Variants in GRB14 observed in about 807,000 individuals in gnomAD.
The protein encoded by GRB14 is growth factor receptor bound protein 14.
A neutral mutation model predicts 69.1 loss-of-function variants in GRB14; 38 were observed. The ratio of observed to expected loss-of-function variants is 0.55; its 90% CI spans 0.42 to 0.72. GRB14 has a LOEUF of 0.72. Ranked by LOEUF, GRB14 falls within the 30% of genes least tolerant of loss-of-function variation. The pLI is 0.00. For missense variants in GRB14, 666 were observed against 666.1 expected, an observed-to-expected ratio of 1.00 and a Z score of 0.00; for synonymous variants, 247 against 241.3, an observed-to-expected ratio of 1.02 and a Z score of -0.22.
intron 3 of GRB14, among the ~76,000 whole-genome samples, chr2:164,540,475 G>A (rs1330526480): frequency 6.6e-6 from 1 of 152,134 alleles, no homozygotes; most frequent in Non-Finnish European, 1.5e-5. Context: ...TGGGTGTGGT[G>A]TCAGGCTCCT....
intron 6 of GRB14, among the ~76,000 whole-genome samples, chr2:164,519,524 A>C (rs1042645212): frequency 1.3e-4 from 20 of 152,034 alleles, no homozygotes; most frequent in Non-Finnish European, 2.6e-4. Flanking sequence ...TCAGACAAGA[A>C]AAAGAAATAA....
intron 2 of GRB14, among the ~76,000 whole-genome samples, chr2:164,581,778 T>C (rs555384645): frequency 6.6e-6 from 1 of 152,366 alleles, no homozygotes; most frequent in South Asian, 2.1e-4. Flanking sequence ...TTATGATCTC[T>C]TCTCTTTCCT....
Position 164,621,118 on chromosome 2 carries a change from C to G in GRB14, c.191+1G>C. The G allele has an allele frequency of 8.0e-7, 1 of 1,246,200 alleles. No individual in the cohort carries two copies. Among genetic ancestry groups the G allele is most frequent in the Non-Finnish European group, 1.0e-6 (1 of 988,336 alleles). 77.2% of individuals were successfully genotyped at this position (1,246,200 alleles called of 1,614,324 possible). A position where few individuals can be genotyped will look rare whatever the true frequency, so the allele number is the denominator to read the frequency against. The stretch of plus-strand genomic sequence containing the variant: ...CCCCCGCGCCCTCCAGGGTTGCCTA[C>G]CTGTCTGCAGCACAGCCGCGGGTCC... On this transcript the variant is annotated splice_donor_variant, in intron 1 of 13. Transcript: ENST00000263915. LOFTEE classifies it high-confidence loss of function. The surrounding 1 kb of genome is among the most constrained non-coding windows in gnomAD (Gnocchi z 6.0).
At chr2:164,509,375 A>C (rs1687279476) in intron 6 of GRB14, among the ~76,000 whole-genome samples, 1 of 152,230 alleles carries the variant, frequency 6.6e-6, no homozygotes, top group Non-Finnish European at 1.5e-5. Context: ...CTAACTTTAC[A>C]AAAGGAAAGA....
chr2:164,558,846 G>A (rs1456065727), intron 2 of GRB14, among the ~76,000 whole-genome samples: 2 of 152,182 alleles, frequency 1.3e-5, no homozygotes, highest in Non-Finnish European at 2.9e-5. Context: ...GAGGGAAAAC[G>A]TGAGGTGGAG....
At chr2:164,583,224 A>G (rs375567699) in intron 2 of GRB14, among the ~76,000 whole-genome samples, 5 of 152,336 alleles carry the variant, frequency 3.3e-5, no homozygotes, top group African/African-American at 9.6e-5. Flanking sequence ...TTTCCATACA[A>G]AGAAAACTGG....
At chr2:164,590,835 C>T (rs557975904) in intron 2 of GRB14, among the ~76,000 whole-genome samples, 259 of 152,214 alleles carry the variant, frequency 1.7e-3, no homozygotes, top group African/African-American at 6.0e-3. Flanking sequence ...TATTAAAATG[C>T]TCTGAATATA....
rs1686801736 is a variant in GRB14, at chr2:164,493,144, A to C, written c.1515T>G (p.Asp505Glu). The change falls in exon 14 of 14, where the codon GAT becomes GAG. Residue 505 changes from aspartate (D) to glutamate (E), a missense_variant. Coordinates refer to ENST00000263915, the MANE Select transcript of GRB14 (RefSeq NM_004490.3). ...TTAGATCTGTAAATCTTGTGTGGCCATCATCCAGTGTGTGGAACATTTCAC... is the reference window on the plus strand; with the variant it reads ...TTAGATCTGTAAATCTTGTGTGGCCCTCATCCAGTGTGTGGAACATTTCAC... ...DDGEMFHTLD[D>E]GHTRFTDLIQ... 2 of 1,613,598 alleles carry C rather than the reference A, an allele frequency of 1.2e-6. No homozygotes were observed. The highest frequency in any genetic ancestry group is 1.7e-5 in the Admixed American group (1 of 59,982).
At chr2:164,574,295 G>T (rs1198669314) in intron 2 of GRB14, among the ~76,000 whole-genome samples, 2 of 146,024 alleles carry the variant, frequency 1.4e-5, no homozygotes, top group Non-Finnish European at 3.0e-5. Context: ...AGGCTGGAAT[G>T]CAATGGTGCG....
At position 164,621,407 on chromosome 2, in the gene GRB14, G is replaced by A; in HGVS notation, c.-98C>T. The A allele has an allele frequency of 9.6e-7, 1 of 1,038,570 alleles. No individual in the cohort carries two copies. The highest frequency in any genetic ancestry group is 5.0e-5 in the South Asian group (1 of 20,052). 64.3% of individuals were successfully genotyped at this position (1,038,570 alleles called of 1,614,324 possible). The stretch of plus-strand genomic sequence containing the variant: ...GCGAGGTGCCGGCTAGGCAGCCCGA[G>A]CGCTCTGCAGGTGTGGTGGCCTCGC... On this transcript the variant is annotated 5_prime_UTR_variant, in exon 1 of 14. Coordinates refer to ENST00000263915, the MANE Select transcript of GRB14 (RefSeq NM_004490.3). The surrounding 1 kb of genome is among the most constrained non-coding windows in gnomAD (Gnocchi z 6.0).
chr2:164,539,830 A>G (rs1688186810), intron 3 of GRB14: 1 of 152,202 alleles, frequency 6.6e-6, no homozygotes, highest in Non-Finnish European at 1.5e-5. Context: ...AAGATGGTAC[A>G]ATGGCTGCAT....
intron 2 of GRB14, among the ~76,000 whole-genome samples, chr2:164,600,988 A>G (rs1689901007): frequency 6.6e-6 from 1 of 152,164 alleles, no homozygotes; most frequent in Non-Finnish European, 1.5e-5. Flanking sequence ...ATGGAAAAAA[A>G]AAAGGTTGAG....
At chr2:164,519,592 T>C (rs1379689890) in intron 6 of GRB14, among the ~76,000 whole-genome samples, 1 of 152,148 alleles carries the variant, frequency 6.6e-6, no homozygotes, top group African/African-American at 2.4e-5. Context: ...GATGATATGA[T>C]CGTATACCTA....
intron 8 of GRB14, among the ~76,000 whole-genome samples, chr2:164,503,169 TA>T (rs3086552): frequency 0.16 from 20,299 of 126,554 alleles, 1,457 homozygotes; most frequent in Middle Eastern, 0.21. Flanking sequence ...GCTACTTTGT[TA>T]AAAAAAAAAA....
At chr2:164,553,052 C>T (rs534230454) in intron 2 of GRB14, among the ~76,000 whole-genome samples, 3 of 152,292 alleles carry the variant, frequency 2.0e-5, no homozygotes, top group African/African-American at 7.2e-5. Context: ...TTCTCTGCAC[C>T]TCCTGACTAC....
chr2:164,603,216 T>A (rs1689963186), intron 2 of GRB14, among the ~76,000 whole-genome samples: 1 of 151,002 alleles, frequency 6.6e-6, no homozygotes. Context: ...TAATACATGA[T>A]GAAAAAATGT....
At chr2:164,607,881 AT>A (rs1483410960) in intron 2 of GRB14, among the ~76,000 whole-genome samples, 1 of 151,994 alleles carries the variant, frequency 6.6e-6, no homozygotes, top group African/African-American at 2.4e-5. Flanking sequence ...TTGCTTTCCA[AT>A]TTTTTTCCTA....
chr2:164,595,027 G>T (rs540173860), intron 2 of GRB14, among the ~76,000 whole-genome samples: 6 of 152,228 alleles, frequency 3.9e-5, no homozygotes, highest in African/African-American at 9.6e-5. Context: ...CCATTAATAG[G>T]TCCATGTCTG....
rs116470932 is a variant in GRB14, at chr2:164,541,736, T to C, written c.481+5924A>G. Reference sequence around the variant, plus strand: ...TCAATTCAAGAAACACACACACATATATATATATGCAAGTTTTTAACATGG... The same window carrying C: ...TCAATTCAAGAAACACACACACATACATATATATGCAAGTTTTTAACATGG... On this transcript the variant is annotated intron_variant, in intron 3 of 13. Transcript: ENST00000263915. 8.4e-3 allele frequency among the ~76,000 whole-genome samples: 1,283 copies of C among 152,218 alleles called. 8 individuals carry two copies. The highest frequency in any genetic ancestry group is 0.024 in the Middle Eastern group (7 of 294).
Sources: allele counts gnomAD v4.1 joint callset (sites outside exome capture counted in the v4.1 genomes callset), GRCh38; gene constraint gnomAD v4.1.1; non-coding constraint Gnocchi (gnomAD v3.1); transcripts MANE v1.5; gene names NCBI Gene and HGNC (gene_info 2026-07-23, HGNC 2026-07-21).